Variants in ATF7IP2 observed in about 807,000 individuals in gnomAD.
ATF7IP2 encodes activating transcription factor 7-interacting protein 2.
In ATF7IP2, 42 loss-of-function variants were observed where a neutral mutation model predicts 64.2. That is an observed-to-expected ratio of 0.65 (90% CI 0.51 to 0.85). ATF7IP2 has a LOEUF of 0.85. Among genes scored for constraint, ATF7IP2 ranks in the 40% least tolerant of loss-of-function variants. The pLI, the probability that ATF7IP2 is intolerant of heterozygous loss-of-function variation, is 0.00. For missense variants in ATF7IP2, 933 were observed against 784.2 expected (o/e 1.19, Z -2.27); for synonymous variants, 308 against 272.8 (o/e 1.13, Z -1.27).
intron 8 of ATF7IP2, chr16:10,448,282 T>G (rs1227200885): frequency 6.6e-6 from 1 of 152,184 alleles, no homozygotes; most frequent in Non-Finnish European, 1.5e-5. Flanking sequence ...TATGAAATTT[T>G]AAGTATTTTT....
At chr16:10,429,777 A>AT (rs1347531476) in intron 4 of ATF7IP2, among the ~76,000 whole-genome samples, 1,977 of 104,874 alleles carry the variant, frequency 0.019, 53 homozygotes, top group Admixed American at 0.071. Context: ...TTTTATTTTA[A>AT]TTTAATTTAA....
rs1476575065 is a variant in ATF7IP2, at chr16:10,412,010, G to GGTTTTTTTTTTTTTTTTTTTTTTTTTTTT, written c.-241-2564_-241-2563insGTTTTTTTTTTTTTTTTTTTTTTTTTTTT. ...CTTTTTGTTTCATTTATCTTTTTTT[G>GGTTTTTTTTTTTTTTTTTTTTTTTTTTTT]TTTTTTTTTTTTTTTTTTTTTTTTT... On this transcript the variant is annotated intron_variant, in intron 1 of 13. Transcript: ENST00000562102. 2.6e-4 allele frequency among the ~76,000 whole-genome samples: 15 copies of GGTTTTTTTTTTTTTTTTTTTTTTTTTTTT among 58,392 alleles called. 4 individuals carry two copies. Among genetic ancestry groups the GGTTTTTTTTTTTTTTTTTTTTTTTTTTTT allele is most frequent in the East Asian group, 1.1e-3 (2 of 1,786 alleles). The allele number at this position is 58,392 out of a possible 152,430, so 38.3% of individuals were successfully genotyped here.
intron 9 of ATF7IP2, among the ~76,000 whole-genome samples, chr16:10,468,194 T>A (rs185490991): frequency 1.3e-5 from 2 of 152,296 alleles, no homozygotes; most frequent in East Asian, 3.9e-4. Context: ...TCAAATATTC[T>A]TAATAAAATT....
intron 1 of ATF7IP2, among the ~76,000 whole-genome samples, chr16:10,410,043 CT>C (rs1462754513): frequency 1.3e-5 from 2 of 152,082 alleles, no homozygotes; most frequent in African/African-American, 4.8e-5. Context: ...CTTAGTCTTG[CT>C]TTGGTTATAC....
At chr16:10,437,220 C>T (rs1471399701) in intron 6 of ATF7IP2, among the ~76,000 whole-genome samples, 1 of 152,084 alleles carries the variant, frequency 6.6e-6, no homozygotes, top group Non-Finnish European at 1.5e-5. Flanking sequence ...GGGGTTTCAC[C>T]ATGTTGGTCA....
chr16:10,391,315 G>A (rs1242032870), intron 1 of ATF7IP2, among the ~76,000 whole-genome samples: 6 of 152,106 alleles, frequency 3.9e-5, no homozygotes, highest in Non-Finnish European at 8.8e-5. Context: ...CAGCTACTCA[G>A]GAGGCTGAGA....
At chr16:10,426,421 C>A (rs1383291156) in intron 3 of ATF7IP2, among the ~76,000 whole-genome samples, 1 of 152,148 alleles carries the variant, frequency 6.6e-6, no homozygotes, top group Non-Finnish European at 1.5e-5. Context: ...TACTTGTCTC[C>A]CCTAAGCATT....
intron 3 of ATF7IP2, among the ~76,000 whole-genome samples, chr16:10,422,931 T>G (rs1000216203): frequency 6.6e-6 from 1 of 152,238 alleles, no homozygotes; most frequent in Non-Finnish European, 1.5e-5. Context: ...GACTCCTGTA[T>G]GTACTTGCAT....
At chr16:10,453,704 A>AT (rs2049065725) in intron 8 of ATF7IP2, among the ~76,000 whole-genome samples, 1 of 152,074 alleles carries the variant, frequency 6.6e-6, no homozygotes, top group South Asian at 2.1e-4. Context: ...CGCAACCTCC[A>AT]TCTCCTGGGT....
chr16:10,431,990 A>ATTTTTTTTTT (rs34029007), intron 5 of ATF7IP2, among the ~76,000 whole-genome samples: 50 of 111,482 alleles, frequency 4.5e-4, no homozygotes, highest in East Asian at 1.0e-3. Context: ...CGCCCGGCTA[A>ATTTTTTTTTT]TTTTTTTTTT....
chr16:10,454,019 T>G (rs2049081892), intron 8 of ATF7IP2: 1 of 152,100 alleles, frequency 6.6e-6, no homozygotes, highest in Non-Finnish European at 1.5e-5. Context: ...TTTTTTTTTT[T>G]TTTCCATCTT....
intron 8 of ATF7IP2, chr16:10,446,652 T>G (rs1464098904): frequency 6.6e-6 from 1 of 152,182 alleles, no homozygotes; most frequent in East Asian, 1.9e-4. Flanking sequence ...ACAACAATAT[T>G]TTATCATCTG....
At chr16:10,405,914 A>G (rs1175934767) in intron 1 of ATF7IP2, among the ~76,000 whole-genome samples, 7 of 152,138 alleles carry the variant, frequency 4.6e-5, no homozygotes, top group Non-Finnish European at 2.9e-5. Flanking sequence ...CCAACATGGT[A>G]AAACCCCATC....
At chr16:10,424,650 A>T (rs960036679) in intron 3 of ATF7IP2, among the ~76,000 whole-genome samples, 2 of 152,236 alleles carry the variant, frequency 1.3e-5, no homozygotes, top group South Asian at 4.1e-4. Context: ...ATAAAAACGC[A>T]AATAACACAG....
intron 1 of ATF7IP2, among the ~76,000 whole-genome samples, chr16:10,412,150 A>G (rs113417244): frequency 0.017 from 2,014 of 121,348 alleles, 45 homozygotes; most frequent in African/African-American, 0.057. Context: ...TATCTTTTGT[A>G]TTTTTTTTTT....
Position 10,442,328 on chromosome 16 carries a change from A to T in ATF7IP2, c.1194+1866A>T, listed in dbSNP as rs138076489. 1.3e-4 allele frequency among the ~76,000 whole-genome samples: 20 copies of T among 152,356 alleles called. 1 individual carries two copies. The East Asian group carries it at 3.5e-3, about 26-fold the overall frequency. On this transcript the variant is annotated intron_variant, in intron 8 of 13. Transcript: ENST00000562102. ...TACACTTTATTCTTCAAACTTATCTAACATGTCTTGACTTTGCTGTTCTTC... is the reference window on the plus strand; with the variant it reads ...TACACTTTATTCTTCAAACTTATCTTACATGTCTTGACTTTGCTGTTCTTC...
At chr16:10,422,008 GC>G in intron 3 of ATF7IP2, among the ~76,000 whole-genome samples, 1 of 152,318 alleles carries the variant, frequency 6.6e-6, no homozygotes, top group South Asian at 2.1e-4. Flanking sequence ...TGGCTGCAAT[GC>G]CCCCATAGGT....
intron 12 of ATF7IP2, among the ~76,000 whole-genome samples, chr16:10,475,202 A>C (rs2049958676): frequency 6.6e-6 from 1 of 152,238 alleles, no homozygotes. Context: ...CAGTAGATGA[A>C]AACAGTAGTG....
At chr16:10,412,304 A>T (rs980748996) in intron 1 of ATF7IP2, among the ~76,000 whole-genome samples, 1 of 151,856 alleles carries the variant, frequency 6.6e-6, no homozygotes, top group South Asian at 2.1e-4. Context: ...TTTTTGATTT[A>T]GGCATTTAGG....
Sources: gnomAD v4.1 joint callset for allele counts (sites outside exome capture counted in the v4.1 genomes callset) on GRCh38, gnomAD v4.1.1 for gene constraint, MANE v1.5 for transcripts, NCBI Gene and HGNC (gene_info 2026-07-23, HGNC 2026-07-21) for gene names.